The following GLIS3 variants were observed in gnomAD, a reference collection of about 807,000 sequenced individuals.
GLIS3 encodes zinc finger protein GLIS3.
GLIS3 carries 53 observed loss-of-function variants against 78.6 expected under a neutral mutation model. That is an observed-to-expected ratio of 0.67 (90% CI 0.54 to 0.85). The LOEUF is 0.85. Among genes scored for constraint, GLIS3 ranks in the 40% least tolerant of loss-of-function variants. The probability of loss-of-function intolerance (pLI) is 0.00; values close to 1 mark genes in which losing one functional copy is unlikely to be tolerated. For synonymous variants in GLIS3, 684 were observed against 509.9 expected (o/e 1.34, Z -4.60); for missense variants, 1,703 against 1,231.1 (o/e 1.38, Z -5.74).
intron 4 of GLIS3, among the ~76,000 whole-genome samples, chr9:4,082,719 T>A (rs1285952035): frequency 6.6e-6 from 1 of 152,218 alleles, no homozygotes; most frequent in Non-Finnish European, 1.5e-5. Flanking sequence ...TTCACCATCT[T>A]ATCTAACATT....
chr9:4,359,374 A>G, the GLIS3 span, among the ~76,000 whole-genome samples: 3 of 152,150 alleles, frequency 2.0e-5, no homozygotes, highest in Admixed American at 1.3e-4. Flanking sequence ...CTGTCCTTAG[A>G]AACAGCTGCT....
At chr9:3,845,262 A>G (rs1422082606) in intron 9 of GLIS3, among the ~76,000 whole-genome samples, 1 of 152,234 alleles carries the variant, frequency 6.6e-6, no homozygotes, top group East Asian at 1.9e-4. Context: ...CTGGAAAGCA[A>G]AAGCATATAT....
At chr9:4,210,803 G>A (rs774678722) in intron 2 of GLIS3, among the ~76,000 whole-genome samples, 1 of 152,212 alleles carries the variant, frequency 6.6e-6, no homozygotes. Context: ...TCACCAATAA[G>A]CAAGTCATGG....
At chr9:4,358,587 C>A in the GLIS3 span, among the ~76,000 whole-genome samples, 6 of 152,126 alleles carry the variant, frequency 3.9e-5, no homozygotes, top group Admixed American at 6.5e-5. Flanking sequence ...AAAATATTGG[C>A]CTTCGTAATC....
chr9:4,340,716 T>C (rs1322822448), intron 2 of GLIS3, among the ~76,000 whole-genome samples: 1 of 152,072 alleles, frequency 6.6e-6, no homozygotes, highest in African/African-American at 2.4e-5. Flanking sequence ...GGAGACAGAG[T>C]CTCGCTCTGT....
chr9:3,991,908 T>C (rs1365077945), intron 4 of GLIS3, among the ~76,000 whole-genome samples: 1 of 152,056 alleles, frequency 6.6e-6, no homozygotes, highest in Non-Finnish European at 1.5e-5. Context: ...GCCAGGACAG[T>C]CTTGATCTCC....
intron 4 of GLIS3, among the ~76,000 whole-genome samples, chr9:4,053,283 T>G (rs969085789): frequency 6.6e-6 from 1 of 152,152 alleles, no homozygotes; most frequent in African/African-American, 2.4e-5. Flanking sequence ...TTAACTAGCA[T>G]GAGGGGCCAT....
intron 4 of GLIS3, among the ~76,000 whole-genome samples, chr9:3,942,569 T>C (rs891984516): frequency 1.3e-5 from 2 of 152,170 alleles, no homozygotes; most frequent in Middle Eastern, 3.2e-3. Flanking sequence ...CAGAAAAGGA[T>C]GGTCAAAGGG....
At chr9:4,119,413 T>C (rs1832016416) in intron 3 of GLIS3, among the ~76,000 whole-genome samples, 1 of 152,236 alleles carries the variant, frequency 6.6e-6, no homozygotes. Flanking sequence ...CCAGGGGACT[T>C]AATAATTTCA....
chr9:4,353,183 C>T (rs188457971), upstream of GLIS3, among the ~76,000 whole-genome samples: 3 of 152,266 alleles, frequency 2.0e-5, no homozygotes, highest in East Asian at 5.8e-4. Flanking sequence ...ATCCCTGTGC[C>T]ATTAAAGGCT....
At chr9:3,883,485 C>T (rs929003978) in intron 7 of GLIS3, among the ~76,000 whole-genome samples, 1 of 152,222 alleles carries the variant, frequency 6.6e-6, no homozygotes, top group Non-Finnish European at 1.5e-5. Flanking sequence ...TAGAGTAAAA[C>T]TGTAATGTCA....
At chr9:4,406,353 T>C in the GLIS3 span, among the ~76,000 whole-genome samples, 2 of 152,218 alleles carry the variant, frequency 1.3e-5, no homozygotes, top group South Asian at 2.1e-4. Context: ...TGCTCTTGTC[T>C]CTTGTTGCCT....
rs532163253 is a variant in GLIS3 at position 4,133,801 on chromosome 9, G to A, written c.389-7860C>T. On this transcript the variant is annotated intron_variant, in intron 2 of 10. Transcript: ENST00000381971. ...CCTGAGTGCCCAGAAACAGCATGCT[G>A]ATGCCTTCCTGCCCAAGACCTTCTA... 1.3e-3 allele frequency among the ~76,000 whole-genome samples: 193 copies of A among 148,758 alleles called. 1 individual carries two copies. Among genetic ancestry groups the A allele is most frequent in the African/African-American group, 4.7e-3 (190 of 40,324 alleles).
chr9:4,430,250 A>G, the GLIS3 span, among the ~76,000 whole-genome samples: 1 of 152,226 alleles, frequency 6.6e-6, no homozygotes, highest in African/African-American at 2.4e-5. Context: ...TCATTAATGC[A>G]TGAGAATATG....
the GLIS3 span, among the ~76,000 whole-genome samples, chr9:4,435,747 A>T: frequency 2.2e-4 from 34 of 152,202 alleles, no homozygotes; most frequent in African/African-American, 6.3e-4. Context: ...CAGGAGATGG[A>T]GACCATCCTG....
At chr9:3,898,632 C>T in intron 7 of GLIS3, 59 bp downstream of exon 7, 1 of 1,602,584 alleles carries the variant, frequency 6.2e-7, no homozygotes, top group Non-Finnish European at 8.5e-7. Flanking sequence ...TTCCTTTTAA[C>T]CAGAGTAAAA....
intron 2 of GLIS3, among the ~76,000 whole-genome samples, chr9:4,276,733 G>C (rs1005778916): frequency 1.3e-5 from 2 of 152,130 alleles, no homozygotes; most frequent in South Asian, 2.1e-4. Flanking sequence ...TCACGCCTCC[G>C]ATTGAGTAAT....
chr9:4,139,591 T>C (rs1216044277), intron 2 of GLIS3, among the ~76,000 whole-genome samples: 5 of 152,114 alleles, frequency 3.3e-5, no homozygotes, highest in Admixed American at 2.0e-4. Context: ...GGGAGGGTAG[T>C]CTAAGCCAGC....
At chr9:4,125,461 G>C (rs186228135) in intron 3 of GLIS3, among the ~76,000 whole-genome samples, 33 of 152,286 alleles carry the variant, frequency 2.2e-4, no homozygotes, top group Middle Eastern at 3.4e-3. Context: ...CCGTGTTTCA[G>C]TCACTGAGGC....
Sources: gnomAD v4.1 joint callset for allele counts (sites outside exome capture counted in the v4.1 genomes callset) on GRCh38, gnomAD v4.1.1 for gene constraint, MANE v1.5 for transcripts, NCBI Gene and HGNC (gene_info 2026-07-23, HGNC 2026-07-21) for gene names.